Variants in MYO7A observed in about 807,000 individuals in gnomAD.
The protein encoded by MYO7A is myosin VIIA.
Under a neutral mutation model 263.8 loss-of-function variants are expected in MYO7A, and 210 were observed. The observed-to-expected ratio is 0.80, with a 90% CI of 0.71 to 0.89. The LOEUF (loss-of-function observed/expected upper bound fraction) is 0.89. Among genes scored for constraint, MYO7A ranks in the 40% least tolerant of loss-of-function variants. MYO7A has a pLI of 0.00. For synonymous variants in MYO7A, 1,239 were observed against 1,197.3 expected, an observed-to-expected ratio of 1.03 and a Z score of -0.72; for missense variants, 2,820 against 2,968.3, an observed-to-expected ratio of 0.95 and a Z score of 1.16.
chr11:77,144,483 C>T (rs1951430712), intron 3 of MYO7A, among the ~76,000 whole-genome samples: 1 of 152,152 alleles, frequency 6.6e-6, no homozygotes. Context: ...AGAGTGGGGG[C>T]TGCAGGAGGG....
intron 4 of MYO7A, among the ~76,000 whole-genome samples, chr11:77,151,088 A>G (rs1243854808): frequency 6.6e-6 from 1 of 152,216 alleles, no homozygotes; most frequent in South Asian, 2.1e-4. Flanking sequence ...TGTCCCCAGG[A>G]GCCTGAGAGA....
intron 18 of MYO7A, among the ~76,000 whole-genome samples, chr11:77,176,769 C>T (rs1247085034): frequency 1.3e-5 from 2 of 152,178 alleles, no homozygotes; most frequent in Non-Finnish European, 2.9e-5. Context: ...GGATTTGGCT[C>T]CCTCATGAGA....
chr11:77,202,246 C>T, intron 36 of MYO7A, 54 bp from the exon 37 acceptor site: 1 of 1,527,484 alleles, frequency 6.5e-7, no homozygotes, highest in African/African-American at 1.4e-5. Context: ...CCATGTTGAT[C>T]CTGGTGGCCA....
intron 8 of MYO7A, 133 bp from the exon 9 acceptor site, chr11:77,158,144 G>A (rs1952669590): frequency 1.1e-6 from 1 of 888,246 alleles, no homozygotes; most frequent in Non-Finnish European, 1.6e-6. Context: ...CACCGGGTGA[G>A]GTCAGCGCCT....
At chr11:77,214,457 A>T (rs1373467595) in intron 48 of MYO7A, 150 bp from the exon 49 acceptor site, 1 of 661,388 alleles carries the variant, frequency 1.5e-6, no homozygotes, top group African/African-American at 1.8e-5. Context: ...CAACCCTTCA[A>T]TTGTGCAGAT....
chr11:77,133,936 A>G (rs1405447748), intron 2 of MYO7A, among the ~76,000 whole-genome samples: 4 of 152,206 alleles, frequency 2.6e-5, no homozygotes, highest in African/African-American at 9.7e-5. Context: ...TACAAATAAC[A>G]TCTTTTTTTT....
intron 27 of MYO7A, 147 bp downstream of exon 27, chr11:77,184,862 G>A (rs1555087531): frequency 7.5e-7 from 1 of 1,331,986 alleles, no homozygotes; most frequent in Non-Finnish European, 1.1e-6. Flanking sequence ...CCTTGGTGGA[G>A]TTATTTCATC....
intron 2 of MYO7A, among the ~76,000 whole-genome samples, chr11:77,131,051 CG>C (rs1203910159): frequency 6.6e-6 from 1 of 152,080 alleles, no homozygotes; most frequent in Non-Finnish European, 1.5e-5. Flanking sequence ...GACTGGAGGG[CG>C]GGGGGTGACA....
Position 77,199,641 on chromosome 11 carries a change from T to C in MYO7A, c.4675T>C (p.Ser1559Pro). The part of the protein sequence containing the change: ...TPAGPCSPCW[S>P]CRGAKTTAPS... ...GGCGGGGCCCTGTTCTCCGTGTTGG[T>C]CCTGCAGGGGAGCGAAAACGACGGC... Residue 1559 changes from serine to proline, a missense_variant, in exon 35 of 49, where the codon TCC (serine) becomes CCC (proline). By Grantham distance (74) the Ser-to-Pro change is moderately conservative (BLOSUM62 -1). Coordinates refer to ENST00000409709, the MANE Select transcript of MYO7A (RefSeq NM_000260.4). 1.9e-6 allele frequency: 3 copies of C among 1,611,788 alleles called. No homozygotes were observed. Among genetic ancestry groups the C allele is most frequent in the Non-Finnish European group, 1.7e-6 (2 of 1,179,388 alleles).
intron 1 of MYO7A, among the ~76,000 whole-genome samples, chr11:77,129,933 T>G (rs1272013870): frequency 6.6e-6 from 1 of 152,030 alleles, no homozygotes; most frequent in African/African-American, 2.4e-5. Flanking sequence ...GACCGAGGCA[T>G]CAGCAGGGGC....
intron 32 of MYO7A, among the ~76,000 whole-genome samples, chr11:77,196,106 C>T (rs10466708): frequency 0.061 from 9,341 of 152,320 alleles, 752 homozygotes; most frequent in African/African-American, 0.19. Flanking sequence ...CGGTGGCTCA[C>T]GCCTGTAATC....
intron 36 of MYO7A, among the ~76,000 whole-genome samples, chr11:77,201,880 GGT>G (rs1232776538): frequency 6.6e-6 from 1 of 151,868 alleles, no homozygotes. Context: ...ATTGGAGAGA[GGT>G]GTATCACCCG....
At chr11:77,191,960 T>A in intron 30 of MYO7A, 91 bp from the exon 31 acceptor site, 1 of 1,203,100 alleles carries the variant, frequency 8.3e-7, no homozygotes, top group Non-Finnish European at 1.2e-6. Context: ...TGGGCCTCCG[T>A]TTTCTGTCTG....
At position 77,166,155 on chromosome 11, in the gene MYO7A, T is replaced by C; in HGVS notation, c.1790T>C (p.Val597Ala). 5 of 1,613,788 alleles carry C rather than the reference T, an allele frequency of 3.1e-6. No individual in the cohort carries two copies. Among genetic ancestry groups the C allele is most frequent in the Non-Finnish European group, 4.2e-6 (5 of 1,179,782 alleles). The change falls in exon 15 of 49, where the codon GTC becomes GCC. Residue 597 changes from valine to alanine, a missense_variant. Val to Ala is a moderately conservative substitution (Grantham distance 64, BLOSUM62 0). Transcript: ENST00000409709. ...KFIKQIFQAD[V>A]AMGAETRKRS... The stretch of plus-strand genomic sequence containing the variant: ...ATCAAGCAGATCTTCCAGGCCGATG[T>C]CGCCATGGTAAGCCGGGTGCGGTTT...
chr11:77,160,324 G>C (rs896701496), intron 11 of MYO7A, 42 bp downstream of exon 11: 1 of 1,535,070 alleles, frequency 6.5e-7, no homozygotes, highest in Non-Finnish European at 8.8e-7. Context: ...CCTACCCCTT[G>C]GGAAGTTGGG....
chr11:77,175,408 G>T lies in MYO7A; in HGVS notation c.2131G>T (p.Ala711Ser), dbSNP rs1954551802. Reference protein sequence around the residue: ...LRGTCQRMAEAVLGTHDDWQI... With the variant: ...LRGTCQRMAESVLGTHDDWQI... ...CGGGACTTGCCAGCGCATGGCTGAG[G>T]CTGTGCTGGGCACCCACGATGACTG... Residue 711 changes from alanine (A) to serine (S), a missense_variant, in exon 18 of 49, where the codon GCT becomes TCT. By Grantham distance (99) the Ala-to-Ser change is moderately conservative. Transcript: ENST00000409709. 1 of 1,613,260 alleles carries T rather than the reference G, an allele frequency of 6.2e-7. No individual in the cohort carries two copies. Among genetic ancestry groups the T allele is most frequent in the Non-Finnish European group, 8.5e-7 (1 of 1,179,902 alleles).
At chr11:77,153,795 C>T (rs1172458401) in intron 4 of MYO7A, among the ~76,000 whole-genome samples, 2 of 152,166 alleles carry the variant, frequency 1.3e-5, no homozygotes, top group Non-Finnish European at 2.9e-5. Context: ...CCTGGCTCTC[C>T]CTCCCCTACA....
At chr11:77,175,312 C>A in intron 17 of MYO7A, 60 bp from the exon 18 acceptor site, 2 of 1,514,034 alleles carry the variant, frequency 1.3e-6, no homozygotes, top group South Asian at 1.1e-5. Context: ...CGGGGACACT[C>A]CGGAGGCCTT....
intron 27 of MYO7A, chr11:77,185,108 C>A: frequency 2.7e-6 from 1 of 367,194 alleles, no homozygotes; most frequent in Non-Finnish European, 5.2e-6. Flanking sequence ...AAATTAATGC[C>A]AAAAATGCTA....
Sources: gnomAD v4.1 joint callset for allele counts (sites outside exome capture counted in the v4.1 genomes callset) on GRCh38, gnomAD v4.1.1 for gene constraint, MANE v1.5 for transcripts, NCBI Gene and HGNC (gene_info 2026-07-23, HGNC 2026-07-21) for gene names.